ITFG1: variants seen among roughly 807,000 people sequenced by gnomAD.
ITFG1 encodes the protein integrin alpha FG-GAP repeat containing 1.
A neutral mutation model predicts 81.8 loss-of-function variants in ITFG1; 34 were observed. The ratio of observed to expected loss-of-function variants is 0.42; its 90% confidence interval spans 0.32 to 0.55. The LOEUF is 0.55. ITFG1 is among the 20% of genes least tolerant of loss of function. The pLI is 0.17. For synonymous variants in ITFG1, 285 were observed against 270.6 expected (o/e 1.05, Z -0.52); for missense variants, 672 against 755.4 (o/e 0.89, Z 1.29).
chr16:47,169,779 T>G (rs1019165734), intron 14 of ITFG1, among the ~76,000 whole-genome samples: 1 of 152,232 alleles, frequency 6.6e-6, no homozygotes, highest in African/African-American at 2.4e-5. Flanking sequence ...GAAGAAATGC[T>G]TTCAGCTTTT....
At chr16:47,349,206 A>C (rs545713000) in intron 8 of ITFG1, among the ~76,000 whole-genome samples, 1 of 152,224 alleles carries the variant, frequency 6.6e-6, no homozygotes, top group East Asian at 1.9e-4. Context: ...ATTCACACAT[A>C]ACAATATTAA....
At chr16:47,403,046 A>G (rs139117643) in intron 6 of ITFG1, among the ~76,000 whole-genome samples, 66 of 152,336 alleles carry the variant, frequency 4.3e-4, no homozygotes, top group African/African-American at 1.5e-3. Flanking sequence ...GCTTACGGTC[A>G]ACAAAGTTCT....
intron 5 of ITFG1, among the ~76,000 whole-genome samples, chr16:47,451,163 G>A (rs1252369730): frequency 3.9e-5 from 6 of 152,054 alleles, no homozygotes; most frequent in South Asian, 2.1e-4. Flanking sequence ...ATTTAAATGG[G>A]GACCCGTAAA....
chr16:47,157,329 G>A (rs946612048), intron 17 of ITFG1, among the ~76,000 whole-genome samples: 1 of 152,090 alleles, frequency 6.6e-6, no homozygotes, highest in Non-Finnish European at 1.5e-5. Flanking sequence ...TTGAGAAAAT[G>A]GTAGAAGGAG....
chr16:47,236,403 A>T (rs1044113717), intron 13 of ITFG1, among the ~76,000 whole-genome samples: 4 of 143,700 alleles, frequency 2.8e-5, no homozygotes, highest in Admixed American at 1.5e-4. Context: ...TGAGCCCCGG[A>T]GGCGGAGCTT....
At chr16:47,160,452 G>GA (rs938080866) in intron 16 of ITFG1, among the ~76,000 whole-genome samples, 6 of 151,472 alleles carry the variant, frequency 4.0e-5, no homozygotes, top group Admixed American at 2.0e-4. Context: ...CCGTGGCAGT[G>GA]AAAAAAAATC....
chr16:47,425,683 C>T (rs1382296898), intron 6 of ITFG1: 1 of 151,792 alleles, frequency 6.6e-6, no homozygotes, highest in African/African-American at 2.4e-5. Context: ...ACCTCTGCCT[C>T]CCAGGATCAA....
intron 8 of ITFG1, among the ~76,000 whole-genome samples, chr16:47,336,616 T>A (rs1005482430): frequency 6.6e-6 from 1 of 152,052 alleles, no homozygotes; most frequent in Non-Finnish European, 1.5e-5. Context: ...AGATGATGGA[T>A]CAAGTCATAC....
intron 10 of ITFG1, among the ~76,000 whole-genome samples, chr16:47,268,149 T>C (rs936849404): frequency 2.9e-4 from 44 of 151,842 alleles, no homozygotes; most frequent in Non-Finnish European, 3.5e-4. Flanking sequence ...AGAATGGCCA[T>C]TAAAAAAATA....
chr16:47,212,734 C>T (rs1200725750), intron 14 of ITFG1, among the ~76,000 whole-genome samples: 1 of 152,094 alleles, frequency 6.6e-6, no homozygotes, highest in Non-Finnish European at 1.5e-5. Context: ...ATATTATTCC[C>T]TTATTATCCT....
chr16:47,306,107 T>C (rs1245657445), intron 10 of ITFG1, among the ~76,000 whole-genome samples: 1 of 152,094 alleles, frequency 6.6e-6, no homozygotes. Flanking sequence ...TCATTAAAGG[T>C]AAAATTTAAG....
chr16:47,342,124 T>C (rs973550813), intron 8 of ITFG1, among the ~76,000 whole-genome samples: 3 of 152,160 alleles, frequency 2.0e-5, no homozygotes, highest in African/African-American at 7.2e-5. Context: ...GGAAAATTCC[T>C]GAGCAATAGA....
chr16:47,378,244 T>C (rs1968351473), intron 6 of ITFG1, among the ~76,000 whole-genome samples: 2 of 152,226 alleles, frequency 1.3e-5, no homozygotes, highest in Admixed American at 6.5e-5. Flanking sequence ...ACTGAAAATA[T>C]CCAACTTTTG....
At chr16:47,397,618 G>A (rs1968609318) in intron 6 of ITFG1, among the ~76,000 whole-genome samples, 1 of 152,120 alleles carries the variant, frequency 6.6e-6, no homozygotes, top group Admixed American at 6.5e-5. Context: ...CAGGTATGGT[G>A]CTAAACTAAA....
intron 14 of ITFG1, among the ~76,000 whole-genome samples, chr16:47,183,259 G>C (rs1030272444): frequency 6.6e-6 from 1 of 152,204 alleles, no homozygotes; most frequent in African/African-American, 2.4e-5. Flanking sequence ...CTGGAAGCTC[G>C]AACTGGGTGG....
chr16:47,178,254 G>A (rs1795121275), intron 14 of ITFG1, among the ~76,000 whole-genome samples: 1 of 152,172 alleles, frequency 6.6e-6, no homozygotes, highest in African/African-American at 2.4e-5. Context: ...TTCAACTAAG[G>A]CACACCATTT....
intron 13 of ITFG1, among the ~76,000 whole-genome samples, chr16:47,224,054 G>A (rs1047029077): frequency 3.0e-5 from 4 of 134,592 alleles, no homozygotes; most frequent in Non-Finnish European, 6.3e-5. Context: ...ATCACACTCT[G>A]GGGACTGTTG....
intron 10 of ITFG1, among the ~76,000 whole-genome samples, chr16:47,298,681 T>C (rs1197896349): frequency 6.6e-6 from 1 of 152,112 alleles, no homozygotes; most frequent in African/African-American, 2.4e-5. Context: ...CAGGGTGGCA[T>C]GGGTGATGGT....
chr16:47,439,809 T>G lies in ITFG1; in HGVS notation c.561-10911A>C, dbSNP rs149702941. ...GCAAAATAACCAGCTAACATCATAA[T>G]GACAGGATAAAATTCACACATAACA... On this transcript the variant is annotated intron_variant, in intron 5 of 17. Transcript: ENST00000320640. 6.9e-3 allele frequency among the ~76,000 whole-genome samples: 1,049 copies of G among 152,300 alleles called. 14 individuals are homozygous for G. The highest frequency in any genetic ancestry group is 0.024 in the African/African-American group (1,005 of 41,564).
Sources: allele counts gnomAD v4.1 joint callset (sites outside exome capture counted in the v4.1 genomes callset), GRCh38; gene constraint gnomAD v4.1.1; transcripts MANE v1.5; gene names NCBI Gene and HGNC (gene_info 2026-07-23, HGNC 2026-07-21).